The following FMN1 variants were observed in gnomAD, a reference collection of about 807,000 sequenced individuals.
The protein encoded by FMN1 is formin 1.
Under a neutral mutation model 132.4 loss-of-function variants are expected in FMN1, and 110 were observed. That is an observed-to-expected ratio of 0.83 (90% CI 0.71 to 0.97). FMN1 has a LOEUF of 0.97. Among genes scored for constraint, FMN1 ranks in the 50% least tolerant of loss-of-function variants. FMN1 has a pLI of 0.00. For synonymous variants in FMN1, 722 were observed against 651.7 expected (o/e 1.11, Z -1.64); for missense variants, 1,792 against 1,705.3 (o/e 1.05, Z -0.90).
At chr15:32,891,964 T>C (rs1277148861) in intron 15 of FMN1, among the ~76,000 whole-genome samples, 1 of 152,140 alleles carries the variant, frequency 6.6e-6, no homozygotes, top group African/African-American at 2.4e-5. Flanking sequence ...GGAGGAGTCT[T>C]TAGGGTTTTC....
chr15:32,967,110 G>A (rs184653691), intron 8 of FMN1, among the ~76,000 whole-genome samples: 1 of 152,318 alleles, frequency 6.6e-6, no homozygotes, highest in African/African-American at 2.4e-5. Context: ...CAAAAGTAAA[G>A]CCCTAGATTT....
intron 7 of FMN1, among the ~76,000 whole-genome samples, chr15:32,987,643 A>AC (rs2033154602): frequency 6.6e-6 from 1 of 152,060 alleles, no homozygotes; most frequent in Non-Finnish European, 1.5e-5. Context: ...GATAAAATAC[A>AC]CCCCCTTCTC....
intron 7 of FMN1, among the ~76,000 whole-genome samples, chr15:32,974,574 G>A (rs2140709444): frequency 6.6e-6 from 1 of 152,286 alleles, no homozygotes; most frequent in South Asian, 2.1e-4. Flanking sequence ...ATCACCTGGA[G>A]AGTTTTGTGG....
chr15:32,881,254 G>A (rs763103735), intron 16 of FMN1, among the ~76,000 whole-genome samples: 3 of 152,126 alleles, frequency 2.0e-5, no homozygotes, highest in Non-Finnish European at 4.4e-5. Flanking sequence ...CTGCATGTTT[G>A]TATAAATATG....
intron 16 of FMN1, among the ~76,000 whole-genome samples, chr15:32,884,161 G>T (rs2059839428): frequency 6.6e-6 from 1 of 152,112 alleles, no homozygotes; most frequent in Admixed American, 6.5e-5. Flanking sequence ...CACAAACTTA[G>T]GAGGCTTAAA....
rs551721626 is a variant in FMN1, at chr15:32,774,744, GA to G, written c.4216-391del. On this transcript the variant is annotated intron_variant, in intron 20 of 20. Transcript: ENST00000616417. ...AATTAGAGAATGCCCAAGAAGATATGAAAAAAAAAATTACTATTTCCAATGA... is the reference window on the plus strand; with the variant it reads ...AATTAGAGAATGCCCAAGAAGATATGAAAAAAAAATTACTATTTCCAATGA... Among the ~76,000 whole-genome samples, 204 of 150,258 alleles carry G rather than the reference GA, an allele frequency of 1.4e-3. 5 individuals are homozygous for G. In the South Asian group the frequency reaches 0.03, roughly 22 times the overall value.
intron 9 of FMN1, among the ~76,000 whole-genome samples, chr15:32,926,968 T>C (rs2060977574): frequency 6.6e-6 from 1 of 152,064 alleles, no homozygotes; most frequent in African/African-American, 2.4e-5. Context: ...AATTTTTTTA[T>C]AGAGACAAGG....
chr15:32,949,875 T>C (rs1007240868), intron 9 of FMN1, among the ~76,000 whole-genome samples: 4 of 138,188 alleles, frequency 2.9e-5, no homozygotes, highest in Middle Eastern at 3.7e-3. Flanking sequence ...AACAACCCCA[T>C]TAAAAAGTGG....
chr15:33,131,463 C>T (rs1277248399), intron 4 of FMN1, among the ~76,000 whole-genome samples: 3 of 151,900 alleles, frequency 2.0e-5, no homozygotes, highest in African/African-American at 7.2e-5. Context: ...GTGTTGAAAA[C>T]GATCTCTAAT....
intron 12 of FMN1, among the ~76,000 whole-genome samples, chr15:32,906,912 T>C (rs997060888): frequency 6.6e-6 from 1 of 152,154 alleles, no homozygotes; most frequent in Non-Finnish European, 1.5e-5. Context: ...TGAGAGCAAG[T>C]CATCCAAGGT....
At chr15:33,140,411 C>G (rs7164682) in intron 4 of FMN1, among the ~76,000 whole-genome samples, 66,501 of 151,652 alleles carry the variant, frequency 0.44, 15,755 homozygotes, top group South Asian at 0.55. Flanking sequence ...ATCTGAAGTT[C>G]AGATCCTGTT....
At chr15:33,129,914 TC>T (rs1963463462) in intron 4 of FMN1, among the ~76,000 whole-genome samples, 1 of 149,298 alleles carries the variant, frequency 6.7e-6, no homozygotes, top group Non-Finnish European at 1.5e-5. Context: ...TACCTCAGCC[TC>T]CCAAGTAGCT....
intron 4 of FMN1, among the ~76,000 whole-genome samples, chr15:33,092,457 G>C (rs1463704442): frequency 2.0e-5 from 3 of 152,154 alleles, no homozygotes; most frequent in Non-Finnish European, 4.4e-5. Flanking sequence ...TTGGCCATCT[G>C]AATGTAAACA....
intron 18 of FMN1, 109 bp from the exon 19 acceptor site, chr15:32,799,062 T>C (rs2057389653): frequency 1.2e-6 from 1 of 814,988 alleles, no homozygotes; most frequent in East Asian, 2.6e-5. Flanking sequence ...GTTTATTTTG[T>C]AACACAGAAG....
chr15:32,765,684 AATCT>A lies in FMN1; in HGVS notation c.*8622_*8625del, dbSNP rs1270065945. 6.6e-6 allele frequency: 1 copy of A among 152,228 alleles called. No individual in the cohort carries two copies. Among genetic ancestry groups the A allele is most frequent in the African/African-American group, 2.4e-5 (1 of 41,460 alleles). The allele number at this position is 152,228 out of a possible 1,614,324, so 9.4% of individuals were successfully genotyped here. ...GGTATCAACAGATTAGGATAAATAT[AATCT>A]ATCACAGAGATAGAATTTTTTGAAT... On this transcript the variant is annotated 3_prime_UTR_variant, in exon 21 of 21. Coordinates refer to ENST00000616417, the MANE Select transcript of FMN1 (RefSeq NM_001277313.2).
intron 5 of FMN1, chr15:33,066,637 C>T: frequency 6.2e-7 from 1 of 1,613,866 alleles, no homozygotes; most frequent in South Asian, 1.1e-5. Context: ...CAGCTGTGGT[C>T]CCCTTTCTGG....
chr15:32,899,537 G>A (rs1242142596), intron 14 of FMN1, among the ~76,000 whole-genome samples: 2 of 152,208 alleles, frequency 1.3e-5, no homozygotes, highest in East Asian at 3.8e-4. Context: ...CAGGCTCAGA[G>A]AGCTTGACAG....
At chr15:33,172,143 G>A (rs1965349463) in intron 3 of FMN1, among the ~76,000 whole-genome samples, 1 of 151,904 alleles carries the variant, frequency 6.6e-6, no homozygotes, top group African/African-American at 2.4e-5. Context: ...GGAAGGCGGA[G>A]CTTGCAGTGA....
At chr15:33,172,980 G>A (rs1206745921) in intron 3 of FMN1, among the ~76,000 whole-genome samples, 1 of 152,188 alleles carries the variant, frequency 6.6e-6, no homozygotes, top group Non-Finnish European at 1.5e-5. Context: ...GTAAGCACAA[G>A]ATTGATCTTG....
Sources: allele counts gnomAD v4.1 joint callset (sites outside exome capture counted in the v4.1 genomes callset), GRCh38; gene constraint gnomAD v4.1.1; transcripts MANE v1.5; gene names NCBI Gene and HGNC (gene_info 2026-07-23, HGNC 2026-07-21).